The following SH3RF1 variants were observed in gnomAD, a reference collection of about 807,000 sequenced individuals.
SH3RF1 encodes SH3 domain containing ring finger 1.
In SH3RF1, 32 loss-of-function variants were observed where a neutral mutation model predicts 74.0. The ratio of observed to expected loss-of-function variants is 0.43; its 90% CI spans 0.33 to 0.58. SH3RF1 has a LOEUF of 0.58. Among genes scored for constraint, SH3RF1 ranks in the 20% least tolerant of loss-of-function variants. The pLI, the probability that SH3RF1 is intolerant of heterozygous loss-of-function variation, is 0.05. For missense variants in SH3RF1, 954 were observed against 1,130.9 expected (o/e 0.84, Z 2.24); for synonymous variants, 396 against 439.6 (o/e 0.90, Z 1.24).
At chr4:169,216,813 C>A (rs560280481) in intron 2 of SH3RF1, among the ~76,000 whole-genome samples, 2 of 152,018 alleles carry the variant, frequency 1.3e-5, no homozygotes, top group Non-Finnish European at 2.9e-5. Context: ...AAAATACTAT[C>A]TAGTACCTCA....
Position 169,094,427 on chromosome 4 carries a change from A to ACATT in SH3RF1, c.*2088_*2091dup, listed in dbSNP as rs1732878673. The stretch of plus-strand genomic sequence containing the variant: ...TGCAAAAAACCAATAGAAAACCCAT[A>ACATT]CATTATATTACCTAATGATCTATTA... On this transcript the variant is annotated 3_prime_UTR_variant, in exon 12 of 12. Coordinates refer to ENST00000284637, the MANE Select transcript of SH3RF1 (RefSeq NM_020870.4). 1 of 152,142 alleles carries ACATT rather than the reference A, an allele frequency of 6.6e-6. No homozygotes were observed. Among genetic ancestry groups the ACATT allele is most frequent in the South Asian group, 2.1e-4 (1 of 4,834 alleles). The allele number at this position is 152,142 out of a possible 1,614,324, so 9.4% of individuals were successfully genotyped here.
At chr4:169,167,381 T>C (rs1292593363) in intron 2 of SH3RF1, among the ~76,000 whole-genome samples, 1 of 152,182 alleles carries the variant, frequency 6.6e-6, no homozygotes, top group Non-Finnish European at 1.5e-5. Context: ...GGTCTAATAC[T>C]GATTGAAAAA....
intron 6 of SH3RF1, among the ~76,000 whole-genome samples, chr4:169,127,885 T>A (rs1733552607): frequency 6.6e-6 from 1 of 152,220 alleles, no homozygotes. Context: ...CAAATGCTTG[T>A]GACCAGAAGT....
chr4:169,150,608 T>C (rs1733960373), intron 4 of SH3RF1, among the ~76,000 whole-genome samples: 1 of 152,172 alleles, frequency 6.6e-6, no homozygotes, highest in African/African-American at 2.4e-5. Context: ...TAAAATTTTA[T>C]ATCCTTTGAC....
intron 2 of SH3RF1, among the ~76,000 whole-genome samples, chr4:169,218,113 A>G (rs1247897190): frequency 1.3e-5 from 2 of 149,488 alleles, no homozygotes; most frequent in Non-Finnish European, 3.0e-5. Context: ...TTAAATGTAT[A>G]TGTATGCAAG....
At chr4:169,155,996 C>T (rs934882318) in intron 3 of SH3RF1, among the ~76,000 whole-genome samples, 2 of 152,158 alleles carry the variant, frequency 1.3e-5, no homozygotes, top group African/African-American at 4.8e-5. Flanking sequence ...AACTCCAAAC[C>T]ATTTTATCAA....
At chr4:169,107,504 C>T (rs1457124969) in intron 10 of SH3RF1, among the ~76,000 whole-genome samples, 2 of 151,946 alleles carry the variant, frequency 1.3e-5, no homozygotes, top group African/African-American at 2.4e-5. Flanking sequence ...TTGGACATTC[C>T]GTTGAAGTAG....
intron 2 of SH3RF1, among the ~76,000 whole-genome samples, chr4:169,223,602 G>A (rs1393172715): frequency 6.6e-6 from 1 of 152,202 alleles, no homozygotes. Context: ...GTCACTGATT[G>A]CTTGGAGCTT....
chr4:169,254,643 G>A (rs993621823), intron 2 of SH3RF1, among the ~76,000 whole-genome samples: 4 of 152,134 alleles, frequency 2.6e-5, no homozygotes, highest in African/African-American at 9.7e-5. Context: ...TCTAGGCAAA[G>A]CATGAACCAG....
chr4:169,117,731 C>G lies in SH3RF1; in HGVS notation c.1569G>C (p.Gln523His), dbSNP rs755524119. ...QAKVPMSTAG[Q>H]TSRGVTMVSP... ...TGACCATGGTCACTCCCCGACTTGT[C>G]TGGCCAGCTGTAGACATAGGGACTT... The change falls in exon 9 of 12, where the codon CAG (glutamine) becomes CAC (histidine). Residue 523 changes from glutamine to histidine, a missense_variant. Physicochemically the swap from Gln to His is conservative, Grantham distance 24. Coordinates refer to ENST00000284637, the MANE Select transcript of SH3RF1 (RefSeq NM_020870.4). 1 of 1,614,194 alleles carries G rather than the reference C, an allele frequency of 6.2e-7. No individual in the cohort carries two copies. The highest frequency in any genetic ancestry group is 8.5e-7 in the Non-Finnish European group (1 of 1,180,046).
At chr4:169,232,472 A>G (rs924740606) in intron 2 of SH3RF1, among the ~76,000 whole-genome samples, 2 of 152,178 alleles carry the variant, frequency 1.3e-5, no homozygotes, top group African/African-American at 4.8e-5. Context: ...GACTTGCCCA[A>G]AGTCACATAA....
At chr4:169,107,931 G>C (rs1194537896) in intron 10 of SH3RF1, among the ~76,000 whole-genome samples, 3 of 152,040 alleles carry the variant, frequency 2.0e-5, no homozygotes, top group African/African-American at 4.8e-5. Context: ...CTTTTTGCAA[G>C]CAAATATACA....
chr4:169,206,463 A>C (rs1214741339), intron 2 of SH3RF1, among the ~76,000 whole-genome samples: 1 of 152,208 alleles, frequency 6.6e-6, no homozygotes, highest in East Asian at 1.9e-4. Context: ...GCTTGAAGCC[A>C]GGAGTTTGAA....
chr4:169,223,071 A>G (rs1730594437), intron 2 of SH3RF1, among the ~76,000 whole-genome samples: 1 of 152,206 alleles, frequency 6.6e-6, no homozygotes, highest in African/African-American at 2.4e-5. Context: ...AAGTGGCATC[A>G]GTCCTCCAAC....
At chr4:169,139,202 A>G (rs1054327452) in intron 4 of SH3RF1, among the ~76,000 whole-genome samples, 7 of 152,198 alleles carry the variant, frequency 4.6e-5, no homozygotes, top group Non-Finnish European at 4.4e-5. Flanking sequence ...TCAGCCTTTC[A>G]AAGTGCTGGG....
chr4:169,249,820 GAGATTTCAATGAGTTGTAC>G (rs2110744434), intron 2 of SH3RF1, among the ~76,000 whole-genome samples: 1 of 152,278 alleles, frequency 6.6e-6, no homozygotes, highest in Non-Finnish European at 1.5e-5. Flanking sequence ...CTTATAAAGA[GAGATTTCAATGAGTTGTAC>G]ATATAACCCA....
intron 2 of SH3RF1, among the ~76,000 whole-genome samples, chr4:169,188,951 C>T (rs1355269110): frequency 6.6e-6 from 1 of 152,098 alleles, no homozygotes; most frequent in Non-Finnish European, 1.5e-5. Flanking sequence ...GTAGTTACCT[C>T]AACCTCTTCA....
At chr4:169,259,747 T>A (rs1731247444) in intron 2 of SH3RF1, among the ~76,000 whole-genome samples, 1 of 152,162 alleles carries the variant, frequency 6.6e-6, no homozygotes, top group Non-Finnish European at 1.5e-5. Flanking sequence ...CTATCATATG[T>A]ACACCTCACT....
chr4:169,129,983 T>C (rs546217724), intron 6 of SH3RF1, 63 bp downstream of exon 6: 16 of 1,274,648 alleles, frequency 1.3e-5, no homozygotes, highest in Admixed American at 7.6e-5. Context: ...GGAGGTGGAG[T>C]GTGCCAGATT....
Sources: allele counts gnomAD v4.1 joint callset (sites outside exome capture counted in the v4.1 genomes callset), GRCh38; gene constraint gnomAD v4.1.1; transcripts MANE v1.5; gene names NCBI Gene and HGNC (gene_info 2026-07-23, HGNC 2026-07-21).